Variants in PDE1C observed in about 807,000 individuals in gnomAD.
PDE1C encodes the protein phosphodiesterase 1C, also known as dual specificity calcium/calmodulin-dependent 3',5'-cyclic nucleotide phosphodiesterase 1C.
In PDE1C, 62 loss-of-function variants were observed where a neutral mutation model predicts 93.1. The ratio of observed to expected loss-of-function variants is 0.67; its 90% CI spans 0.54 to 0.82. The LOEUF (loss-of-function observed/expected upper bound fraction) is 0.82. PDE1C is among the 40% of genes least tolerant of loss of function. PDE1C has a pLI of 0.00. For synonymous variants in PDE1C, 325 were observed against 310.1 expected (o/e 1.05, Z -0.50); for missense variants, 742 against 884.6 (o/e 0.84, Z 2.04).
At chr7:32,169,063 T>C (rs1802480825) in intron 3 of PDE1C, among the ~76,000 whole-genome samples, 1 of 152,060 alleles carries the variant, frequency 6.6e-6, no homozygotes, top group South Asian at 2.1e-4. Flanking sequence ...AATGATTGAG[T>C]CTTAATTTCT....
chr7:31,641,079 T>C, the PDE1C span, among the ~76,000 whole-genome samples: 1 of 152,268 alleles, frequency 6.6e-6, no homozygotes. Context: ...CTCAGACACA[T>C]GGACCGTTAA....
At chr7:31,695,321 T>G in the PDE1C span, 1 of 575,596 alleles carries the variant, frequency 1.7e-6, no homozygotes, top group African/African-American at 1.9e-5. Context: ...AAGTCCTTTG[T>G]GGAATAGGCC....
intron 16 of PDE1C, among the ~76,000 whole-genome samples, chr7:31,798,451 A>G (rs973654444): frequency 6.6e-6 from 1 of 151,750 alleles, no homozygotes; most frequent in African/African-American, 2.4e-5. Context: ...ATGAATGGCA[A>G]AGTAAATTTC....
intron 2 of PDE1C, among the ~76,000 whole-genome samples, chr7:31,892,539 A>T (rs1377389073): frequency 6.6e-6 from 1 of 152,182 alleles, no homozygotes; most frequent in Non-Finnish European, 1.5e-5. Context: ...GTTCATTCTC[A>T]GAAGTTTGTT....
rs150298788 is a variant in PDE1C at position 32,316,514 on chromosome 7, G to A, written c.311-106975C>T. Among the ~76,000 whole-genome samples, 4 of 152,192 alleles carry A rather than the reference G, an allele frequency of 2.6e-5. No homozygotes were observed. In the East Asian group the frequency reaches 5.8e-4, roughly 22 times the overall value. On this transcript the variant is annotated intron_variant, in intron 1 of 1. Transcript: ENST00000672256. ...AATATTTGGCATAATCACCATACACGGCAAGCTGATGCCAAAATAAATAGA... is the reference window on the plus strand; with the variant it reads ...AATATTTGGCATAATCACCATACACAGCAAGCTGATGCCAAAATAAATAGA...
chr7:32,097,538 C>T (rs1417583075), intron 3 of PDE1C, among the ~76,000 whole-genome samples: 3 of 152,176 alleles, frequency 2.0e-5, no homozygotes, highest in Admixed American at 6.5e-5. Flanking sequence ...CAGTAGATCA[C>T]GGCTCCAACT....
intron 1 of PDE1C, among the ~76,000 whole-genome samples, chr7:32,374,592 A>G (rs1784404300): frequency 6.6e-6 from 1 of 152,134 alleles, no homozygotes; most frequent in African/African-American, 2.4e-5. Flanking sequence ...CCCAAACCTA[A>G]AGTCACCCAA....
At chr7:32,339,273 A>T (rs1239845164) in intron 1 of PDE1C, among the ~76,000 whole-genome samples, 1 of 152,222 alleles carries the variant, frequency 6.6e-6, no homozygotes, top group African/African-American at 2.4e-5. Context: ...TAATAGGACA[A>T]ATACTGTATT....
the PDE1C span, among the ~76,000 whole-genome samples, chr7:31,721,611 T>C: frequency 2.0e-4 from 31 of 152,292 alleles, no homozygotes; most frequent in African/African-American, 7.0e-4. Context: ...CAAGATACCT[T>C]AGCATCCTCA....
the PDE1C span, among the ~76,000 whole-genome samples, chr7:31,672,081 G>A: frequency 1.3e-5 from 2 of 151,944 alleles, no homozygotes; most frequent in South Asian, 4.2e-4. Flanking sequence ...TATGATTTTT[G>A]TCTTGATAGG....
At chr7:31,680,760 C>T in the PDE1C span, among the ~76,000 whole-genome samples, 1 of 152,036 alleles carries the variant, frequency 6.6e-6, no homozygotes, top group Non-Finnish European at 1.5e-5. Context: ...CCAGTATAGA[C>T]CAGGACCCAG....
At chr7:31,713,420 C>T in the PDE1C span, among the ~76,000 whole-genome samples, 6 of 152,210 alleles carry the variant, frequency 3.9e-5, no homozygotes, top group Non-Finnish European at 8.8e-5. Context: ...TATAGTCCCC[C>T]CTGGCTGCTT....
At chr7:31,668,140 T>C in the PDE1C span, among the ~76,000 whole-genome samples, 19 of 152,316 alleles carry the variant, frequency 1.2e-4, no homozygotes, top group Non-Finnish European at 2.2e-4. Context: ...ATTAGGCTTT[T>C]GTGTGACTTT....
Position 31,753,384 on chromosome 7 carries a change from C to T in PDE1C, c.2130G>A (p.Ter710=). 1.2e-6 allele frequency: 2 copies of T among 1,611,248 alleles called. No homozygotes were observed. Among genetic ancestry groups the T allele is most frequent in the South Asian group, 2.2e-5 (2 of 90,722 alleles). The change falls in exon 18 of 18, where the codon TAG becomes TAA. Residue 710 remains the stop codon, a stop_retained_variant. Transcript: ENST00000396191. ...QNISHNWNRK[*] is the part of the protein sequence containing the mutation. ...CACTCCCTCTCTTCTTCCCCTCGGC[C>T]TATTTTCTGTTCCAGTTATGTGAGA...
chr7:31,909,686 T>G (rs1420201845), intron 2 of PDE1C, among the ~76,000 whole-genome samples: 1 of 152,202 alleles, frequency 6.6e-6, no homozygotes, highest in Non-Finnish European at 1.5e-5. Context: ...GAAGGTATAC[T>G]TTATGATTGA....
At chr7:31,805,365 G>T (rs1786688811) in intron 16 of PDE1C, among the ~76,000 whole-genome samples, 1 of 151,876 alleles carries the variant, frequency 6.6e-6, no homozygotes, top group South Asian at 2.1e-4. Flanking sequence ...TCAGACCACA[G>T]TTGGCTATGG....
chr7:31,895,524 T>C (rs2128908582), intron 2 of PDE1C, among the ~76,000 whole-genome samples: 1 of 152,192 alleles, frequency 6.6e-6, no homozygotes, highest in African/African-American at 2.4e-5. Flanking sequence ...AAAAAGAATG[T>C]TTAAATTGCT....
At chr7:31,621,747 C>T in the PDE1C span, among the ~76,000 whole-genome samples, 2 of 146,110 alleles carry the variant, frequency 1.4e-5, no homozygotes, top group Non-Finnish European at 3.0e-5. Flanking sequence ...ATCAAATTCA[C>T]ACATAACAAT....
chr7:31,725,803 G>C, the PDE1C span, among the ~76,000 whole-genome samples: 1 of 152,100 alleles, frequency 6.6e-6, no homozygotes, highest in African/African-American at 2.4e-5. Context: ...AAAAGGATGG[G>C]AGATAATCAA....
Sources: allele counts gnomAD v4.1 joint callset (sites outside exome capture counted in the v4.1 genomes callset), GRCh38; gene constraint gnomAD v4.1.1; transcripts MANE v1.5; gene names NCBI Gene and HGNC (gene_info 2026-07-23, HGNC 2026-07-21).